Variants in FGF12 observed in about 807,000 individuals in gnomAD.
FGF12 encodes the protein fibroblast growth factor 12B.
Under a neutral mutation model 23.6 loss-of-function variants are expected in FGF12, and 14 were observed. The observed-to-expected ratio is 0.59, with a 90% CI of 0.39 to 0.93. The LOEUF is 0.93. FGF12 is among the 40% of genes least tolerant of loss of function. The probability of loss-of-function intolerance (pLI) is 0.00; values close to 1 mark genes in which losing one functional copy is unlikely to be tolerated. For missense variants in FGF12, 175 were observed against 217.8 expected, an observed-to-expected ratio of 0.80 and a Z score of 1.24; for synonymous variants, 62 against 77.3, an observed-to-expected ratio of 0.80 and a Z score of 1.04.
intron 4 of FGF12, among the ~76,000 whole-genome samples, chr3:192,305,679 A>ATATATATATATATATATAT (rs1553794685): frequency 3.8e-5 from 5 of 131,936 alleles, no homozygotes; most frequent in Non-Finnish European, 7.8e-5. Flanking sequence ...AAAAAAAAAA[A>ATATATATATATATATATAT]ATATATATAT....
chr3:192,386,207 C>T (rs893069327), intron 2 of FGF12, among the ~76,000 whole-genome samples: 1 of 152,220 alleles, frequency 6.6e-6, no homozygotes, highest in Non-Finnish European at 1.5e-5. Flanking sequence ...GACTTCAATA[C>T]ATACTGCTAT....
At chr3:192,319,705 T>A (rs2108680697) in intron 4 of FGF12, among the ~76,000 whole-genome samples, 1 of 152,260 alleles carries the variant, frequency 6.6e-6, no homozygotes, top group South Asian at 2.1e-4. Context: ...AGGGGATGAA[T>A]CTAACATGTA....
At chr3:192,696,168 TA>T (rs10708268) in intron 2 of FGF12, among the ~76,000 whole-genome samples, 5,510 of 139,056 alleles carry the variant, frequency 0.04, 123 homozygotes, top group Middle Eastern at 0.085. Context: ...TTTTTTTTTT[TA>T]ATCATTTCCT....
intron 4 of FGF12, among the ~76,000 whole-genome samples, chr3:192,285,658 A>G (rs1714406934): frequency 6.6e-6 from 1 of 152,072 alleles, no homozygotes; most frequent in African/African-American, 2.4e-5. Flanking sequence ...AATGTCCAAA[A>G]AACTAATTAT....
intron 2 of FGF12, among the ~76,000 whole-genome samples, chr3:192,701,531 G>C (rs1173178410): frequency 6.6e-6 from 1 of 152,084 alleles, no homozygotes; most frequent in African/African-American, 2.4e-5. Context: ...TAAAAATATT[G>C]TGCTGACAGA....
At chr3:192,680,043 C>T (rs1482212440) in intron 2 of FGF12, among the ~76,000 whole-genome samples, 1 of 152,254 alleles carries the variant, frequency 6.6e-6, no homozygotes, top group Admixed American at 6.5e-5. Flanking sequence ...GATTTCTATA[C>T]TAAGGGCTTT....
intron 4 of FGF12, among the ~76,000 whole-genome samples, chr3:192,190,691 G>A (rs1357796379): frequency 6.6e-6 from 1 of 151,700 alleles, no homozygotes; most frequent in Non-Finnish European, 1.5e-5. Context: ...TAGCCGGGAT[G>A]GTCTCCATCT....
At chr3:192,309,861 T>C (rs1715845293) in intron 4 of FGF12, among the ~76,000 whole-genome samples, 1 of 152,224 alleles carries the variant, frequency 6.6e-6, no homozygotes, top group Non-Finnish European at 1.5e-5. Context: ...GGCTAAACTA[T>C]GTTGAAAATC....
At chr3:192,208,586 G>C (rs945961960) in intron 4 of FGF12, among the ~76,000 whole-genome samples, 1 of 151,966 alleles carries the variant, frequency 6.6e-6, no homozygotes, top group Non-Finnish European at 1.5e-5. Context: ...TCATTATATT[G>C]AATTTTCTTG....
intron 4 of FGF12, among the ~76,000 whole-genome samples, chr3:192,319,258 A>G (rs1443198547): frequency 6.6e-6 from 1 of 152,194 alleles, no homozygotes; most frequent in Non-Finnish European, 1.5e-5. Flanking sequence ...TGTATAAACT[A>G]TTCATATCCT....
At chr3:192,544,249 G>C (rs1191128153) in intron 2 of FGF12, among the ~76,000 whole-genome samples, 1 of 152,120 alleles carries the variant, frequency 6.6e-6, no homozygotes, top group Non-Finnish European at 1.5e-5. Context: ...ACTGCTGCTG[G>C]GGGGAGGGGG....
chr3:192,512,633 G>C (rs1724515271), intron 2 of FGF12, among the ~76,000 whole-genome samples: 2 of 151,246 alleles, frequency 1.3e-5, no homozygotes, highest in Admixed American at 6.6e-5. Flanking sequence ...TTTTCGTAAA[G>C]GTAGTTTAGT....
chr3:192,182,408 AAATT>A (rs781477175), intron 4 of FGF12, among the ~76,000 whole-genome samples: 18 of 152,316 alleles, frequency 1.2e-4, no homozygotes, highest in Non-Finnish European at 8.8e-5. Context: ...TCTGAAGTGC[AAATT>A]TACTTACCCA....
At chr3:192,572,018 T>A (rs182731180) in intron 2 of FGF12, among the ~76,000 whole-genome samples, 11 of 152,008 alleles carry the variant, frequency 7.2e-5, no homozygotes, top group Non-Finnish European at 1.3e-4. Context: ...TTATCCACAG[T>A]GCCTAGTATA....
chr3:192,636,271 G>A (rs1296985183), intron 2 of FGF12, among the ~76,000 whole-genome samples: 1 of 152,148 alleles, frequency 6.6e-6, no homozygotes, highest in East Asian at 1.9e-4. Flanking sequence ...CTATGTGGTA[G>A]CCACTAGTCA....
intron 2 of FGF12, among the ~76,000 whole-genome samples, chr3:192,363,063 C>T (rs1011560992): frequency 3.4e-5 from 5 of 144,984 alleles, no homozygotes; most frequent in Non-Finnish European, 3.0e-5. Context: ...CACAGGAAGG[C>T]GAACATCACA....
intron 2 of FGF12, among the ~76,000 whole-genome samples, chr3:192,681,101 C>T (rs1717509819): frequency 6.6e-6 from 1 of 152,112 alleles, no homozygotes; most frequent in Admixed American, 6.5e-5. Context: ...AGCCACCTGG[C>T]TCAATATAAT....
chr3:192,539,284 A>G (rs1725306689), intron 2 of FGF12, among the ~76,000 whole-genome samples: 1 of 152,114 alleles, frequency 6.6e-6, no homozygotes, highest in African/African-American at 2.4e-5. Flanking sequence ...TCTGTCATAT[A>G]TGGGTTTTAT....
At chr3:192,429,722 A>C (rs1721804117) in intron 2 of FGF12, among the ~76,000 whole-genome samples, 1 of 152,180 alleles carries the variant, frequency 6.6e-6, no homozygotes, top group Non-Finnish European at 1.5e-5. Flanking sequence ...GTGCTTGTTT[A>C]TCTTGGCAAA....
Sources: gnomAD v4.1 joint callset for allele counts (sites outside exome capture counted in the v4.1 genomes callset) on GRCh38, gnomAD v4.1.1 for gene constraint, MANE v1.5 for transcripts, NCBI Gene and HGNC (gene_info 2026-07-23, HGNC 2026-07-21) for gene names.